The following BRINP1 variants were observed in gnomAD, a reference collection of about 807,000 sequenced individuals.
BRINP1 encodes BMP/retinoic acid inducible neural specific 1.
A neutral mutation model predicts 72.9 loss-of-function variants in BRINP1; 17 were observed. The ratio of observed to expected loss-of-function variants is 0.23; its 90% CI spans 0.16 to 0.35. BRINP1 has a LOEUF of 0.35. Among genes scored for constraint, BRINP1 ranks in the 10% least tolerant of loss-of-function variants. BRINP1 has a pLI of 1.00. For synonymous variants in BRINP1, 418 were observed against 378.5 expected, an observed-to-expected ratio of 1.10 and a Z score of -1.21; for missense variants, 850 against 1,001.6, an observed-to-expected ratio of 0.85 and a Z score of 2.04.
At chr9:119,264,331 C>T (rs1830526957) in intron 2 of BRINP1, among the ~76,000 whole-genome samples, 1 of 152,196 alleles carries the variant, frequency 6.6e-6, no homozygotes, top group Non-Finnish European at 1.5e-5. Context: ...AAATGCCACC[C>T]ACCTGGTCCC....
Position 119,171,614 on chromosome 9 carries a change from G to T in BRINP1, c.1146-3390C>A, listed in dbSNP as rs539085603. ...CAAGGATACCCAGGAATTGAACTCA[G>T]CTCTGCACCAAGCGGACCTAATAGA... On this transcript the variant is annotated intron_variant, in intron 7 of 7. Transcript: ENST00000265922. Among the ~76,000 whole-genome samples the T allele has an allele frequency of 1.8e-3, 224 of 127,764 alleles. 2 individuals carry two copies. The highest frequency in any genetic ancestry group is 8.9e-3 in the Admixed American group (108 of 12,184). 83.8% of individuals were successfully genotyped at this position (127,764 alleles called of 152,430 possible).
intron 2 of BRINP1, among the ~76,000 whole-genome samples, chr9:119,272,846 G>T (rs1414299828): frequency 6.6e-6 from 1 of 152,180 alleles, no homozygotes; most frequent in East Asian, 1.9e-4. Flanking sequence ...GCCTGAATTT[G>T]TGTCCTATAT....
intron 2 of BRINP1, among the ~76,000 whole-genome samples, chr9:119,275,411 AC>A (rs2118955994): frequency 6.6e-6 from 1 of 152,248 alleles, no homozygotes; most frequent in African/African-American, 2.4e-5. Context: ...TCCCTTTGAC[AC>A]CGTCCATCAC....
rs993777574 is a variant in BRINP1, at chr9:119,170,112, C to T, written c.1146-1888G>A. Among the ~76,000 whole-genome samples the T allele has an allele frequency of 2.0e-4, 30 of 152,126 alleles. No individual in the cohort carries two copies. The South Asian group carries it at 3.1e-3, about 16-fold the overall frequency. Reference sequence around the variant, plus strand: ...AAGGAACGCAGTTCCTCACCAGCAACGGAACAAAGCTGGATGGAGAATGAC... The same window carrying T: ...AAGGAACGCAGTTCCTCACCAGCAATGGAACAAAGCTGGATGGAGAATGAC... On this transcript the variant is annotated intron_variant, in intron 7 of 7. Coordinates refer to ENST00000265922, the MANE Select transcript of BRINP1 (RefSeq NM_014618.3).
At chr9:119,317,436 T>G (rs751259466) in intron 1 of BRINP1, among the ~76,000 whole-genome samples, 20 of 152,200 alleles carry the variant, frequency 1.3e-4, no homozygotes, top group Non-Finnish European at 2.2e-4. Flanking sequence ...ATGATAAAAC[T>G]TGAACGGATG....
intron 7 of BRINP1, among the ~76,000 whole-genome samples, chr9:119,179,032 TGG>T (rs1265332888): frequency 1.3e-5 from 2 of 152,122 alleles, no homozygotes; most frequent in Non-Finnish European, 2.9e-5. Context: ...AGGGGGATGC[TGG>T]GGATCAGGGA....
intron 1 of BRINP1, among the ~76,000 whole-genome samples, chr9:119,314,952 C>T (rs144122414): frequency 1.3e-3 from 195 of 152,250 alleles, no homozygotes; most frequent in African/African-American, 3.5e-3. Flanking sequence ...TTCCCTATGA[C>T]AGTGTTTTTG....
intron 1 of BRINP1, among the ~76,000 whole-genome samples, chr9:119,367,390 G>T (rs1831706471): frequency 6.6e-6 from 1 of 151,740 alleles, no homozygotes; most frequent in Non-Finnish European, 1.5e-5. Context: ...TAGCCTCCCT[G>T]CCTGAGAGCA....
chr9:119,342,882 T>A (rs1564253024), intron 1 of BRINP1, among the ~76,000 whole-genome samples: 2 of 152,172 alleles, frequency 1.3e-5, no homozygotes, highest in Non-Finnish European at 2.9e-5. Context: ...AACTGAGGCA[T>A]CCCCCAGTTC....
At chr9:119,248,400 C>G (rs1015306068) in intron 3 of BRINP1, among the ~76,000 whole-genome samples, 1 of 152,214 alleles carries the variant, frequency 6.6e-6, no homozygotes, top group Non-Finnish European at 1.5e-5. Context: ...GCATTTATTT[C>G]CTCTCCTTTA....
intron 1 of BRINP1, among the ~76,000 whole-genome samples, chr9:119,365,996 C>T (rs145636709): frequency 0.022 from 3,392 of 152,258 alleles, 55 homozygotes; most frequent in South Asian, 0.035. Flanking sequence ...TTTGAGTGAA[C>T]TCGATTCTGA....
chr9:119,302,001 ACTCCT>A (rs1830944079), intron 2 of BRINP1, among the ~76,000 whole-genome samples: 1 of 152,084 alleles, frequency 6.6e-6, no homozygotes, highest in African/African-American at 2.4e-5. Context: ...TCTGGGCAAA[ACTCCT>A]AGAAATCCCT....
chr9:119,233,193 G>C (rs1278721981), intron 5 of BRINP1, among the ~76,000 whole-genome samples: 3 of 152,002 alleles, frequency 2.0e-5, no homozygotes, highest in African/African-American at 7.2e-5. Flanking sequence ...AAGAGGAAGA[G>C]AGAAATATAG....
At chr9:119,272,821 C>T (rs983998742) in intron 2 of BRINP1, among the ~76,000 whole-genome samples, 2 of 152,140 alleles carry the variant, frequency 1.3e-5, no homozygotes, top group Admixed American at 6.5e-5. Context: ...GTTATCCATT[C>T]GATAACTCAG....
chr9:119,285,572 A>G (rs866885218), intron 2 of BRINP1, among the ~76,000 whole-genome samples: 1 of 152,246 alleles, frequency 6.6e-6, no homozygotes, highest in East Asian at 1.9e-4. Flanking sequence ...GAGCCCCTCA[A>G]CATAACCCTT....
At chr9:119,235,113 T>C (rs1830181837) in intron 5 of BRINP1, among the ~76,000 whole-genome samples, 1 of 152,154 alleles carries the variant, frequency 6.6e-6, no homozygotes, top group Non-Finnish European at 1.5e-5. Flanking sequence ...AGTTCTGTAG[T>C]AGCCCCCTAA....
In BRINP1 at chr9:119,167,654, C is replaced by T. The variant is rs147029533; in HGVS notation, c.1716G>A (p.Ser572=). The T allele has an allele frequency of 6.4e-3, 10,368 of 1,614,078 alleles. 52 individuals carry two copies. Among genetic ancestry groups the T allele is most frequent in the Middle Eastern group, 0.011 (65 of 6,062 alleles). The change falls in exon 8 of 8, where the codon TCG becomes TCA. Residue 572 remains serine (S), a synonymous_variant. Coordinates refer to ENST00000265922, the MANE Select transcript of BRINP1 (RefSeq NM_014618.3). The surrounding 1 kb of genome is among the most constrained non-coding windows in gnomAD (Gnocchi z 4.3). ...VYVNPFSGSH[S]EGWNMPFGEF... is the part of the protein sequence containing the mutation. ...CCCCGAAGGGCATGTTCCAGCCCTCCGAATGGCTCCCGCTAAAGGGGTTGA... is the reference window on the plus strand; with the variant it reads ...CCCCGAAGGGCATGTTCCAGCCCTCTGAATGGCTCCCGCTAAAGGGGTTGA...
chr9:119,254,192 G>T (rs62567666), intron 2 of BRINP1, among the ~76,000 whole-genome samples: 144 of 152,274 alleles, frequency 9.5e-4, no homozygotes, highest in Middle Eastern at 3.4e-3. Context: ...CTCTCAAGGG[G>T]CATACATGCT....
intron 2 of BRINP1, among the ~76,000 whole-genome samples, chr9:119,249,649 T>C (rs917574521): frequency 6.6e-5 from 10 of 152,026 alleles, no homozygotes; most frequent in African/African-American, 2.4e-4. Context: ...AAGTCCTCCA[T>C]TGTCTTCTAG....
Sources: gnomAD v4.1 joint callset for allele counts (sites outside exome capture counted in the v4.1 genomes callset) on GRCh38, gnomAD v4.1.1 for gene constraint, Gnocchi (gnomAD v3.1) non-coding constraint, MANE v1.5 for transcripts, NCBI Gene and HGNC (gene_info 2026-07-23, HGNC 2026-07-21) for gene names.